Variants in ZC4H2 observed in about 807,000 individuals in gnomAD.
ZC4H2 encodes zinc finger C4H2-type containing.
For missense variants in ZC4H2, 137 were observed against 173.9 expected (o/e 0.79, Z 1.19); for synonymous variants, 84 against 66.3 (o/e 1.27, Z -1.30).
At chrX:64,989,208 C>G in intron 1 of ZC4H2, among the ~76,000 whole-genome samples, 1 of 111,672 alleles carries the variant, frequency 9.0e-6, no homozygotes, top group East Asian at 2.8e-4. Context: ...GCGGGCTCTT[C>G]TTTGGTTCCA....
intron 1 of ZC4H2, among the ~76,000 whole-genome samples, chrX:65,010,697 A>T (rs1261436099): frequency 8.9e-6 from 1 of 112,008 alleles, no homozygotes; most frequent in Non-Finnish European, 1.9e-5. Context: ...ATTTTTTCCA[A>T]AATATTTCTT....
At chrX:64,983,957 T>G (rs1169003377) in intron 1 of ZC4H2, among the ~76,000 whole-genome samples, 1 of 111,572 alleles carries the variant, frequency 9.0e-6, no homozygotes, top group Non-Finnish European at 1.9e-5. Context: ...AATTTTAGAT[T>G]TGGGGGTACA....
chrX:64,972,249 A>C (rs1293425533), intron 1 of ZC4H2, among the ~76,000 whole-genome samples: 1 of 111,534 alleles, frequency 9.0e-6, no homozygotes, highest in Non-Finnish European at 1.9e-5. Flanking sequence ...GCGTGTGTTC[A>C]GAGTTAGAAG....
At position 64,919,127 on chromosome X, in the gene ZC4H2, G is replaced by A. The variant is rs750869999; in HGVS notation, c.476C>T (p.Ala159Val). The change falls in exon 4 of 5, where the codon GCC becomes GTC. Residue 159 changes from alanine to valine, a missense_variant. Physicochemically the swap from Ala to Val is moderately conservative, Grantham distance 64. Coordinates refer to ENST00000374839, the MANE Select transcript of ZC4H2 (RefSeq NM_018684.4). Reference sequence around the variant, plus strand: ...CACTTGGAGCTGTTGGGCGGCAGCGGCTGCAGCGGCCAGGGACTCAGGGAT... The same window carrying A: ...CACTTGGAGCTGTTGGGCGGCAGCGACTGCAGCGGCCAGGGACTCAGGGAT... ...PPIPESLAAAAAAAQQLQVAR... is the reference protein window; with the variant it reads ...PPIPESLAAAVAAAQQLQVAR... 4 of 1,205,560 alleles carry A rather than the reference G, an allele frequency of 3.3e-6. No individual in the cohort carries two copies. The Admixed American group carries it at 8.8e-5, about 26-fold the overall frequency.
At chrX:65,027,192 T>C (rs1932888036) in intron 1 of ZC4H2, among the ~76,000 whole-genome samples, 1 of 111,845 alleles carries the variant, frequency 8.9e-6, no homozygotes, top group African/African-American at 3.3e-5. Flanking sequence ...TGAAGTAGAA[T>C]GTAGAGAATG....
intron 1 of ZC4H2, among the ~76,000 whole-genome samples, chrX:64,923,598 A>T (rs1299171952): frequency 9.1e-6 from 1 of 110,404 alleles, no homozygotes. Context: ...AATGGCACAG[A>T]ACTACAGAAA....
At chrX:64,989,037 G>A (rs764640511) in intron 1 of ZC4H2, among the ~76,000 whole-genome samples, 47 of 111,608 alleles carry the variant, frequency 4.2e-4, no homozygotes, top group African/African-American at 1.4e-3. Context: ...GTAGATATGC[G>A]GCATTATTTC....
intron 1 of ZC4H2, among the ~76,000 whole-genome samples, chrX:64,941,603 G>T (rs1930283561): frequency 8.9e-6 from 1 of 112,285 alleles, no homozygotes; most frequent in South Asian, 3.7e-4. Flanking sequence ...TTAGCATGAA[G>T]AGGTGTTGAA....
At chrX:65,024,360 A>G (rs1932860417) in intron 1 of ZC4H2, among the ~76,000 whole-genome samples, 2 of 111,727 alleles carry the variant, frequency 1.8e-5, no homozygotes, top group African/African-American at 6.5e-5. Context: ...AAAGTCAAAA[A>G]ACAACAGATG....
At chrX:64,923,011 C>T (rs960797233) in intron 1 of ZC4H2, among the ~76,000 whole-genome samples, 1 of 111,497 alleles carries the variant, frequency 9.0e-6, no homozygotes, top group African/African-American at 3.3e-5. Flanking sequence ...CAATTGTATA[C>T]CGTGTGGCTC....
At chrX:64,961,351 C>A (rs1231449258) in intron 1 of ZC4H2, among the ~76,000 whole-genome samples, 1 of 111,514 alleles carries the variant, frequency 9.0e-6, no homozygotes, top group Non-Finnish European at 1.9e-5. Flanking sequence ...GTTCACTAAT[C>A]TTTTCTCCCT....
At position 65,022,421 on chromosome X, in the gene ZC4H2, A is replaced by C. The variant is rs988396493; in HGVS notation, c.-272+12208T>G. 5.4e-5 allele frequency among the ~76,000 whole-genome samples: 6 copies of C among 111,862 alleles called. No individual in the cohort carries two copies. In the Admixed American group the frequency reaches 5.7e-4, roughly 11 times the overall value. On this transcript the variant is annotated intron_variant, in intron 1 of 4. Coordinates refer to the ZC4H2 transcript ENST00000337990. ...ATCATATAAACAGAACCAATGACAAAAACCACACGATTATCTCAGTAGATG... is the reference window on the plus strand; with the variant it reads ...ATCATATAAACAGAACCAATGACAACAACCACACGATTATCTCAGTAGATG...
intron 1 of ZC4H2, among the ~76,000 whole-genome samples, chrX:64,937,163 G>A (rs900769430): frequency 9.0e-6 from 1 of 110,540 alleles, no homozygotes; most frequent in African/African-American, 3.3e-5. Context: ...CCTGTTGGTT[G>A]TGTTTGTTGG....
intron 1 of ZC4H2, among the ~76,000 whole-genome samples, chrX:65,012,831 T>G (rs5964408): frequency 0.23 from 25,342 of 111,508 alleles, 6,911 homozygotes; most frequent in African/African-American, 0.78. Flanking sequence ...TTGCAAGGTG[T>G]TTACTTCAAT....
chrX:64,999,961 C>T (rs995755139), intron 1 of ZC4H2, among the ~76,000 whole-genome samples: 5 of 112,109 alleles, frequency 4.5e-5, no homozygotes, highest in Non-Finnish European at 9.4e-5. Flanking sequence ...ATAGATAAAA[C>T]CCCCATCTCC....
chrX:65,024,061 A>C (rs746825837), intron 1 of ZC4H2, among the ~76,000 whole-genome samples: 1 of 110,383 alleles, frequency 9.1e-6, no homozygotes, highest in East Asian at 2.9e-4. Flanking sequence ...AACAATGAGA[A>C]CACATGGACA....
chrX:64,917,677 G>A lies in ZC4H2; in HGVS notation c.*106C>T. ...GGTTGTGCTTCCATCACATTAAATA[G>A]GAGACTTCGTGGGGTTGGGCAAGGG... On this transcript the variant is annotated 3_prime_UTR_variant, in exon 5 of 5. Coordinates refer to ENST00000374839, the MANE Select transcript of ZC4H2 (RefSeq NM_018684.4). The A allele has an allele frequency of 9.2e-7, 1 of 1,084,203 alleles. No individual in the cohort carries two copies. The highest frequency in any genetic ancestry group is 2.8e-5 in the Admixed American group (1 of 36,280). 89.4% of individuals were successfully genotyped at this position (1,084,203 alleles called of 1,213,427 possible).
intron 1 of ZC4H2, among the ~76,000 whole-genome samples, chrX:64,951,798 A>C (rs1930852701): frequency 9.0e-6 from 1 of 110,631 alleles, no homozygotes; most frequent in Non-Finnish European, 1.9e-5. Flanking sequence ...GAAGCTCTTT[A>C]GTTTAATTAG....
At chrX:64,954,489 G>C (rs934231566) in intron 1 of ZC4H2, among the ~76,000 whole-genome samples, 9 of 99,239 alleles carry the variant, frequency 9.1e-5, no homozygotes, top group Non-Finnish European at 1.6e-4. Context: ...TGTTATTGTA[G>C]ACAACAGAAA....
Sources: gnomAD v4.1 joint callset for allele counts (sites outside exome capture counted in the v4.1 genomes callset) on GRCh38, gnomAD v4.1.1 for gene constraint, MANE v1.5 for transcripts, NCBI Gene and HGNC (gene_info 2026-07-23, HGNC 2026-07-21) for gene names.